The following CSGALNACT1 variants were observed in gnomAD, a reference collection of about 807,000 sequenced individuals.
CSGALNACT1 encodes the protein chondroitin sulfate N-acetylgalactosaminyltransferase 1.
Under a neutral mutation model 51.0 loss-of-function variants are expected in CSGALNACT1, and 52 were observed. That is an observed-to-expected ratio of 1.02 (90% CI 0.82 to 1.29). The LOEUF (loss-of-function observed/expected upper bound fraction) is 1.29. CSGALNACT1 is among the 50% of genes most tolerant of loss of function. The pLI, the probability that CSGALNACT1 is intolerant of heterozygous loss-of-function variation, is 0.00. For missense variants in CSGALNACT1, 935 were observed against 679.2 expected, an observed-to-expected ratio of 1.38 and a Z score of -4.19; for synonymous variants, 341 against 254.4, an observed-to-expected ratio of 1.34 and a Z score of -3.24.
At chr8:19,451,451 A>G (rs1403675973) in intron 5 of CSGALNACT1, among the ~76,000 whole-genome samples, 1 of 152,248 alleles carries the variant, frequency 6.6e-6, no homozygotes, top group Non-Finnish European at 1.5e-5. Flanking sequence ...TGAGATGACT[A>G]TAATGAGAAG....
At chr8:19,437,923 G>A (rs1180517122) in intron 6 of CSGALNACT1, among the ~76,000 whole-genome samples, 1 of 152,174 alleles carries the variant, frequency 6.6e-6, no homozygotes, top group East Asian at 1.9e-4. Context: ...CCTTCTGGTT[G>A]AGAATTCACC....
At chr8:19,703,465 G>A (rs890251977) in intron 1 of CSGALNACT1, among the ~76,000 whole-genome samples, 13 of 152,084 alleles carry the variant, frequency 8.5e-5, no homozygotes, top group Non-Finnish European at 1.2e-4. Flanking sequence ...CACCAAGCCC[G>A]GCTAATTTTC....
intron 1 of CSGALNACT1, among the ~76,000 whole-genome samples, chr8:19,674,328 A>T (rs1442844489): frequency 6.6e-6 from 1 of 152,136 alleles, no homozygotes; most frequent in African/African-American, 2.4e-5. Flanking sequence ...TGATGAATGC[A>T]GTGAATAATG....
At chr8:19,572,187 A>C (rs2043189048) in intron 3 of CSGALNACT1, among the ~76,000 whole-genome samples, 1 of 152,212 alleles carries the variant, frequency 6.6e-6, no homozygotes, top group Non-Finnish European at 1.5e-5. Flanking sequence ...AAACTTTTAG[A>C]GTTCCATCTC....
At chr8:19,487,443 A>G (rs1472754955) in intron 4 of CSGALNACT1, among the ~76,000 whole-genome samples, 2 of 152,318 alleles carry the variant, frequency 1.3e-5, no homozygotes, top group South Asian at 2.1e-4. Context: ...ACATGTCAAC[A>G]CGATGGTGGA....
At position 19,471,561 on chromosome 8, in the gene CSGALNACT1, G is replaced by A. The variant is rs532886073; in HGVS notation, c.635-12919C>T. On this transcript the variant is annotated intron_variant, in intron 4 of 9. Transcript: ENST00000454498. The stretch of plus-strand genomic sequence containing the variant: ...CCCTCAGTCGAATTCTTTCTTCTGA[G>A]GCGGCAAGGACTGAAGTTGCTGTGG... Among the ~76,000 whole-genome samples the A allele has an allele frequency of 9.2e-5, 14 of 152,234 alleles. No individual in the cohort carries two copies. The South Asian group carries it at 2.9e-3, about 32-fold the overall frequency.
upstream of CSGALNACT1, among the ~76,000 whole-genome samples, chr8:19,683,510 A>C (rs2060781912): frequency 6.6e-6 from 1 of 152,210 alleles, no homozygotes; most frequent in Non-Finnish European, 1.5e-5. Flanking sequence ...CAGTTAGAAA[A>C]GATTGTGGAA....
chr8:19,515,621 G>A (rs144989725), intron 3 of CSGALNACT1, among the ~76,000 whole-genome samples: 1 of 152,348 alleles, frequency 6.6e-6, no homozygotes, highest in African/African-American at 2.4e-5. Flanking sequence ...AAAGGGAAAT[G>A]TGGCAAAAAG....
intron 1 of CSGALNACT1, among the ~76,000 whole-genome samples, chr8:19,709,644 T>G (rs2154230227): frequency 6.6e-6 from 1 of 152,336 alleles, no homozygotes; most frequent in Non-Finnish European, 1.5e-5. Context: ...AATAGCTTGT[T>G]GCTTTCCAAG....
intron 4 of CSGALNACT1, among the ~76,000 whole-genome samples, chr8:19,481,342 G>A (rs1039932973): frequency 6.6e-6 from 1 of 152,042 alleles, no homozygotes; most frequent in Non-Finnish European, 1.5e-5. Context: ...TGTCTACGAC[G>A]TCTCATTTTC....
chr8:19,734,946 C>A (rs1252046077), intron 1 of CSGALNACT1, among the ~76,000 whole-genome samples: 3 of 151,924 alleles, frequency 2.0e-5, no homozygotes, highest in Non-Finnish European at 4.4e-5. Context: ...CCTGAAATAA[C>A]AGGAAAGCAT....
intron 1 of CSGALNACT1, among the ~76,000 whole-genome samples, chr8:19,699,030 C>T (rs2061724049): frequency 6.6e-6 from 1 of 152,032 alleles, no homozygotes; most frequent in African/African-American, 2.4e-5. Context: ...CAGTGTATTG[C>T]TTTTTTCTTT....
At chr8:19,486,730 C>T (rs1017873110) in intron 4 of CSGALNACT1, among the ~76,000 whole-genome samples, 2 of 152,122 alleles carry the variant, frequency 1.3e-5, no homozygotes, top group African/African-American at 4.8e-5. Flanking sequence ...CCCCCTTAAA[C>T]GCATTGATTG....
chr8:19,540,515 G>A (rs1041937982), intron 3 of CSGALNACT1, among the ~76,000 whole-genome samples: 4 of 152,108 alleles, frequency 2.6e-5, no homozygotes, highest in African/African-American at 9.7e-5. Flanking sequence ...GCTTGCACTG[G>A]GATTATAACT....
At chr8:19,631,023 A>G (rs776077275) in intron 1 of CSGALNACT1, among the ~76,000 whole-genome samples, 5 of 152,172 alleles carry the variant, frequency 3.3e-5, no homozygotes, top group African/African-American at 4.8e-5. Context: ...ACAATTGTAT[A>G]ATGATATGTA....
At chr8:19,436,566 A>G (rs2060408079) in intron 6 of CSGALNACT1, among the ~76,000 whole-genome samples, 1 of 152,206 alleles carries the variant, frequency 6.6e-6, no homozygotes, top group Non-Finnish European at 1.5e-5. Context: ...CCTTAAAAAT[A>G]ATTTAAAAAT....
chr8:19,728,734 G>C, intron 1 of CSGALNACT1, among the ~76,000 whole-genome samples: 1 of 152,140 alleles, frequency 6.6e-6, no homozygotes, highest in East Asian at 1.9e-4. Flanking sequence ...TTCATTTCTC[G>C]AGTTTTAATA....
At chr8:19,482,243 T>C (rs935883383) in intron 4 of CSGALNACT1, among the ~76,000 whole-genome samples, 3 of 152,234 alleles carry the variant, frequency 2.0e-5, no homozygotes, top group African/African-American at 7.2e-5. Flanking sequence ...ACACTTGAAA[T>C]GTGGCTAGTG....
chr8:19,579,148 C>T (rs191247625), intron 3 of CSGALNACT1, among the ~76,000 whole-genome samples: 184 of 152,320 alleles, frequency 1.2e-3, no homozygotes, highest in South Asian at 1.4e-3. Context: ...AATCCTGCGA[C>T]GGCTTCCCAT....
Sources: gnomAD v4.1 joint callset for allele counts (sites outside exome capture counted in the v4.1 genomes callset) on GRCh38, gnomAD v4.1.1 for gene constraint, MANE v1.5 for transcripts, NCBI Gene and HGNC (gene_info 2026-07-23, HGNC 2026-07-21) for gene names.